Variants in ARHGEF3 observed in about 807,000 individuals in gnomAD.
ARHGEF3 encodes Rho guanine nucleotide exchange factor 3.
In ARHGEF3, 28 loss-of-function variants were observed where a neutral mutation model predicts 63.2. That is an observed-to-expected ratio of 0.44 (90% CI 0.33 to 0.61). The LOEUF (loss-of-function observed/expected upper bound fraction) is 0.61. Among genes scored for constraint, ARHGEF3 ranks in the 20% least tolerant of loss-of-function variants. The pLI is 0.03. For synonymous variants in ARHGEF3, 266 were observed against 254.2 expected (o/e 1.05, Z -0.44); for missense variants, 533 against 659.3 (o/e 0.81, Z 2.10).
At chr3:56,960,866 C>T (rs549952652) in intron 2 of ARHGEF3, 2 of 152,278 alleles carry the variant, frequency 1.3e-5, no homozygotes, top group South Asian at 4.1e-4. Context: ...TTTTGGATTT[C>T]AACAATACTT....
intron 2 of ARHGEF3, among the ~76,000 whole-genome samples, chr3:56,981,488 C>T (rs1362599898): frequency 5.3e-5 from 8 of 152,124 alleles, no homozygotes; most frequent in Admixed American, 5.2e-4. Flanking sequence ...ATGTCCTTCA[C>T]GGCTTCCTCA....
At chr3:56,900,085 G>C in intron 3 of ARHGEF3, among the ~76,000 whole-genome samples, 1 of 152,146 alleles carries the variant, frequency 6.6e-6, no homozygotes, top group East Asian at 1.9e-4. Flanking sequence ...AGTGAAGGCT[G>C]ATGGATCTGT....
Position 57,042,690 on chromosome 3 carries a change from A to ATTTT in ARHGEF3, c.-27-7515_-27-7514insAAAA, listed in dbSNP as rs1271376418. 6.5e-3 allele frequency among the ~76,000 whole-genome samples: 85 copies of ATTTT among 13,084 alleles called. 5 individuals carry two copies. The highest frequency in any genetic ancestry group is 0.025 in the East Asian group (12 of 476). The allele number at this position is 13,084 out of a possible 152,430, so 8.6% of individuals were successfully genotyped here. A position where few individuals can be genotyped will look rare whatever the true frequency, so the allele number is the denominator to read the frequency against. ...TATATATATATATATATATATATAT[A>ATTTT]TATATATATATTTTTTTTTTTTTTT... is the stretch of plus-strand genomic sequence containing the variant. On this transcript the variant is annotated intron_variant, in intron 1 of 12. Coordinates refer to the ARHGEF3 transcript ENST00000338458.
At chr3:56,985,983 T>A (rs1262002690) in intron 2 of ARHGEF3, among the ~76,000 whole-genome samples, 1 of 152,076 alleles carries the variant, frequency 6.6e-6, no homozygotes, top group African/African-American at 2.4e-5. Flanking sequence ...TCAAAGACTC[T>A]CAAAGAGCCA....
intron 1 of ARHGEF3, among the ~76,000 whole-genome samples, chr3:57,065,474 A>G (rs1234513551): frequency 6.6e-6 from 1 of 152,178 alleles, no homozygotes; most frequent in East Asian, 1.9e-4. Flanking sequence ...ACAAAAAAAA[A>G]AGAAATTACT....
At chr3:56,947,291 T>G (rs1035012913) in intron 3 of ARHGEF3, among the ~76,000 whole-genome samples, 5 of 152,164 alleles carry the variant, frequency 3.3e-5, no homozygotes, top group Non-Finnish European at 1.5e-5. Flanking sequence ...TAACCTTAAA[T>G]GTAAATGGGC....
intron 3 of ARHGEF3, among the ~76,000 whole-genome samples, chr3:56,954,198 T>TGC (rs35108362): frequency 0.12 from 17,518 of 152,108 alleles, 1,255 homozygotes; most frequent in East Asian, 0.25. Flanking sequence ...AACAATGCCT[T>TGC]TCACAGCAGG....
intron 1 of ARHGEF3, among the ~76,000 whole-genome samples, chr3:56,789,363 C>T (rs990201516): frequency 2.6e-5 from 4 of 152,184 alleles, no homozygotes; most frequent in Non-Finnish European, 4.4e-5. Flanking sequence ...TGGTTTGAAT[C>T]ATTTTAGCTG....
chr3:57,066,810 G>A (rs974520988), intron 1 of ARHGEF3, among the ~76,000 whole-genome samples: 2 of 152,104 alleles, frequency 1.3e-5, no homozygotes, highest in Non-Finnish European at 2.9e-5. Context: ...GAAAAAGACC[G>A]ACCTCCCAGA....
chr3:56,916,454 C>A, intron 3 of ARHGEF3: 1 of 1,426,948 alleles, frequency 7.0e-7, no homozygotes, highest in South Asian at 1.5e-5. Context: ...GAACTCCTCC[C>A]CGCCACTTGG....
intron 2 of ARHGEF3, among the ~76,000 whole-genome samples, chr3:57,005,781 C>T (rs1158628458): frequency 6.6e-6 from 1 of 152,176 alleles, no homozygotes; most frequent in African/African-American, 2.4e-5. Context: ...TTGCTGGGCA[C>T]CCGGCAGAGG....
intron 4 of ARHGEF3, among the ~76,000 whole-genome samples, chr3:56,819,424 A>G (rs910900509): frequency 2.0e-5 from 3 of 152,116 alleles, no homozygotes; most frequent in Admixed American, 2.0e-4. Flanking sequence ...TCCCAGGTCA[A>G]CCCAGCCCTG....
intron 4 of ARHGEF3, among the ~76,000 whole-genome samples, chr3:56,862,446 G>A (rs972479289): frequency 6.6e-6 from 1 of 152,170 alleles, no homozygotes; most frequent in Non-Finnish European, 1.5e-5. Flanking sequence ...GGGCGACATG[G>A]CACAAAGAAA....
chr3:57,000,787 C>T (rs1579058629), intron 2 of ARHGEF3, among the ~76,000 whole-genome samples: 2 of 152,264 alleles, frequency 1.3e-5, no homozygotes, highest in East Asian at 3.9e-4. Flanking sequence ...CCCGACTCAG[C>T]CTCCCAAAGT....
At chr3:57,009,242 T>C (rs577834656) in intron 2 of ARHGEF3, among the ~76,000 whole-genome samples, 14 of 152,348 alleles carry the variant, frequency 9.2e-5, no homozygotes, top group Middle Eastern at 3.4e-3. Context: ...GAATGAACTA[T>C]GAAATCAAAA....
chr3:56,985,888 C>A (rs561473430), intron 2 of ARHGEF3, among the ~76,000 whole-genome samples: 2 of 152,142 alleles, frequency 1.3e-5, no homozygotes, highest in African/African-American at 4.8e-5. Flanking sequence ...AATGTGATGC[C>A]GCCTGGCTGG....
At chr3:56,831,608 C>T (rs960680641) in intron 4 of ARHGEF3, among the ~76,000 whole-genome samples, 3 of 151,864 alleles carry the variant, frequency 2.0e-5, no homozygotes, top group Non-Finnish European at 2.9e-5. Context: ...GTGGGCCATT[C>T]TTGGCTACAG....
At chr3:56,989,748 T>C (rs1693877185) in intron 2 of ARHGEF3, among the ~76,000 whole-genome samples, 1 of 152,130 alleles carries the variant, frequency 6.6e-6, no homozygotes, top group South Asian at 2.1e-4. Flanking sequence ...AACCCTGACT[T>C]CATCAGTGAG....
At chr3:57,017,032 T>TCTCTCTCTCTCTCTCTCA (rs1221332567) in intron 2 of ARHGEF3, among the ~76,000 whole-genome samples, 5 of 104,390 alleles carry the variant, frequency 4.8e-5, no homozygotes, top group African/African-American at 1.8e-4. Context: ...TCTCTCTCTC[T>TCTCTCTCTCTCTCTCTCA]CACACACACA....
Sources: gnomAD v4.1 joint callset for allele counts (sites outside exome capture counted in the v4.1 genomes callset) on GRCh38, gnomAD v4.1.1 for gene constraint, MANE v1.5 for transcripts, NCBI Gene and HGNC (gene_info 2026-07-23, HGNC 2026-07-21) for gene names.